The following TMEM74 variants were observed in gnomAD, a reference collection of about 807,000 sequenced individuals.
TMEM74 encodes transmembrane protein 74.
TMEM74 carries 13 observed loss-of-function variants against 18.1 expected under a neutral mutation model. The ratio of observed to expected loss-of-function variants is 0.72; its 90% CI spans 0.47 to 1.14. TMEM74 has a LOEUF of 1.14. Ranked by LOEUF, TMEM74 falls within the 50% of genes most tolerant of loss-of-function variation. TMEM74 has a pLI of 0.00. For synonymous variants in TMEM74, 159 were observed against 146.6 expected (o/e 1.08, Z -0.61); for missense variants, 372 against 375.9 (o/e 0.99, Z 0.09).
rs1180304125 is a variant in TMEM74, at chr8:108,782,887, C to T, written c.*1294G>A. ...TGCATTTCCCATCCCTTTTCTGAAC[C>T]GTCACCATAATGAGGCGGTCTGTCA... On this transcript the variant is annotated 3_prime_UTR_variant, in exon 2 of 2. Transcript: ENST00000297459. Among the ~76,000 whole-genome samples the T allele has an allele frequency of 6.6e-6, 1 of 152,138 alleles. No individual in the cohort carries two copies. Among genetic ancestry groups the T allele is most frequent in the East Asian group, 1.9e-4 (1 of 5,178 alleles).
At chr8:108,610,030 G>A (rs1313580916) in intron 2 of TMEM74, among the ~76,000 whole-genome samples, 4 of 152,176 alleles carry the variant, frequency 2.6e-5, no homozygotes, top group Non-Finnish European at 5.9e-5. Flanking sequence ...CCTTTAGTGT[G>A]CATTAAGTAC....
In TMEM74 at chr8:108,784,387, G is replaced by A; in HGVS notation, c.712C>T (p.Leu238Phe). Residue 238 changes from leucine to phenylalanine, a missense_variant, in exon 2 of 2, where the codon CTC (leucine) becomes TTC (phenylalanine). By Grantham distance (22) the Leu-to-Phe change is conservative (BLOSUM62 0). Coordinates refer to ENST00000297459, the MANE Select transcript of TMEM74 (RefSeq NM_153015.3). The stretch of plus-strand genomic sequence containing the variant: ...AGGATGACGCCCCCCAGCGTGAGGA[G>A]GCAGAGCCCCGCAATCACACAGCGG... ...LDRCVIAGLC[L>F]LTLGGVILSC... The A allele has an allele frequency of 6.2e-7, 1 of 1,614,112 alleles. No homozygotes were observed. Among genetic ancestry groups the A allele is most frequent in the Non-Finnish European group, 8.5e-7 (1 of 1,180,034 alleles).
At chr8:108,610,679 G>A (rs928658102) in intron 2 of TMEM74, among the ~76,000 whole-genome samples, 5 of 152,218 alleles carry the variant, frequency 3.3e-5, no homozygotes. Flanking sequence ...CAGTTGGAAA[G>A]GACTTGAAGT....
chr8:108,786,514 T>C (rs1463588428), intron 1 of TMEM74, among the ~76,000 whole-genome samples: 2 of 152,126 alleles, frequency 1.3e-5, no homozygotes, highest in African/African-American at 4.8e-5. Context: ...GGAGAGGGAA[T>C]TGACATGTTT....
intron 1 of TMEM74, among the ~76,000 whole-genome samples, chr8:108,692,696 A>G (rs1813242924): frequency 6.6e-6 from 1 of 152,034 alleles, no homozygotes; most frequent in Admixed American, 6.6e-5. Context: ...CCTGCAAAAA[A>G]CCCCCAACCA....
At chr8:108,725,334 T>G (rs16878740) in intron 1 of TMEM74, among the ~76,000 whole-genome samples, 10,295 of 152,220 alleles carry the variant, frequency 0.068, 989 homozygotes, top group African/African-American at 0.21. Flanking sequence ...TAATTCCTAA[T>G]AAGAGATGCC....
At chr8:108,732,948 C>T (rs759158236) in intron 1 of TMEM74, among the ~76,000 whole-genome samples, 2 of 151,962 alleles carry the variant, frequency 1.3e-5, no homozygotes, top group African/African-American at 4.8e-5. Flanking sequence ...CACTCAAGAT[C>T]ATCAATCCTC....
intron 2 of TMEM74, among the ~76,000 whole-genome samples, chr8:108,609,535 C>T (rs1812312774): frequency 6.6e-6 from 1 of 152,046 alleles, no homozygotes; most frequent in Admixed American, 6.6e-5. Flanking sequence ...GTAATCTCAG[C>T]TACTGGGGAG....
At chr8:108,632,951 C>T (rs771703033) in intron 2 of TMEM74, among the ~76,000 whole-genome samples, 6 of 151,838 alleles carry the variant, frequency 4.0e-5, no homozygotes, top group Non-Finnish European at 8.8e-5. Context: ...TTCAGAACAC[C>T]GTGGGCTCAG....
intron 1 of TMEM74, among the ~76,000 whole-genome samples, chr8:108,739,489 C>T (rs1385179668): frequency 1.3e-5 from 2 of 151,514 alleles, no homozygotes; most frequent in Non-Finnish European, 2.9e-5. Flanking sequence ...TTTATCGTTA[C>T]TCTCATCAGG....
intron 2 of TMEM74, among the ~76,000 whole-genome samples, chr8:108,629,939 T>C (rs1255076460): frequency 4.6e-5 from 7 of 151,952 alleles, no homozygotes; most frequent in Admixed American, 4.6e-4. Context: ...ATGTGCAAAA[T>C]AACCAGCGAG....
At chr8:108,607,843 A>G (rs531231791) in intron 3 of TMEM74, 1 of 152,216 alleles carries the variant, frequency 6.6e-6, no homozygotes, top group Non-Finnish European at 1.5e-5. Flanking sequence ...AATGCTTTGT[A>G]TGCTATGTGT....
chr8:108,784,854 G>A lies in TMEM74; in HGVS notation c.245C>T (p.Pro82Leu). 6.2e-7 allele frequency: 1 copy of A among 1,614,206 alleles called. No individual in the cohort carries two copies. ...QNSTLQPDAF[P>L]PGLLHSGNNQ... ...GTTCCCTGAGTGGAGAAGTCCTGGTGGAAAGGCATCTGGCTGAAGAGTACT... is the reference window on the plus strand; with the variant it reads ...GTTCCCTGAGTGGAGAAGTCCTGGTAGAAAGGCATCTGGCTGAAGAGTACT... Residue 82 changes from proline to leucine, a missense_variant, in exon 2 of 2, where the codon CCA becomes CTA. By Grantham distance (98) the Pro-to-Leu change is moderately conservative (BLOSUM62 -3). Transcript: ENST00000297459.
chr8:108,609,501 A>T (rs566636473), intron 2 of TMEM74, among the ~76,000 whole-genome samples: 1 of 152,262 alleles, frequency 6.6e-6, no homozygotes, highest in Non-Finnish European at 1.5e-5. Context: ...TATAAAAATT[A>T]GCTGGGCTTG....
At position 108,718,209 on chromosome 8, in the gene TMEM74, C is replaced by T. The variant is rs375108035; in HGVS notation, n.120-62772G>A. Among the ~76,000 whole-genome samples, 2 of 71,048 alleles carry T rather than the reference C, an allele frequency of 2.8e-5. 1 individual carries two copies. The highest frequency in any genetic ancestry group is 3.5e-4 in the African/African-American group (2 of 5,784). The allele number at this position is 71,048 out of a possible 152,430, so 46.6% of individuals were successfully genotyped here. A position where few individuals can be genotyped will look rare whatever the true frequency, so the allele number is the denominator to read the frequency against. The stretch of plus-strand genomic sequence containing the variant: ...TCCTGACCTCGTGATCCGCCCGCCT[C>T]GGCCTCCCAAAGTGCTGGGATTACA... On this transcript the variant is annotated intron_variant and non_coding_transcript_variant, in intron 1 of 3. Transcript: ENST00000518838.
At chr8:108,631,499 T>C (rs888076167) in intron 2 of TMEM74, among the ~76,000 whole-genome samples, 1 of 152,036 alleles carries the variant, frequency 6.6e-6, no homozygotes, top group Non-Finnish European at 1.5e-5. Context: ...ACTCAGCATA[T>C]TTAGGTAGAG....
intron 1 of TMEM74, among the ~76,000 whole-genome samples, chr8:108,679,848 C>T (rs1318177021): frequency 6.6e-6 from 1 of 152,106 alleles, no homozygotes; most frequent in Non-Finnish European, 1.5e-5. Flanking sequence ...ATGGTATTGC[C>T]TAGGTTTTCT....
At chr8:108,677,758 A>T (rs1223916417) in intron 1 of TMEM74, among the ~76,000 whole-genome samples, 1 of 152,070 alleles carries the variant, frequency 6.6e-6, no homozygotes, top group Non-Finnish European at 1.5e-5. Flanking sequence ...ACTGATCAGC[A>T]TATTACTTTT....
In TMEM74 at chr8:108,670,034, T is replaced by TAAAAAAAAAAAAAAAA. The variant is rs1563745188; in HGVS notation, n.120-14598_120-14597insTTTTTTTTTTTTTTTT. Among the ~76,000 whole-genome samples the TAAAAAAAAAAAAAAAA allele has an allele frequency of 1.8e-5, 2 of 113,942 alleles. 1 individual carries two copies. Among genetic ancestry groups the TAAAAAAAAAAAAAAAA allele is most frequent in the African/African-American group, 6.8e-5 (2 of 29,224 alleles). 74.8% of individuals were successfully genotyped at this position (113,942 alleles called of 152,430 possible). Reference sequence around the variant, plus strand: ...GCCTGGATGACAGAGTAAGATTCTGTGAAAAAAAAAAAAAAAAAAAAAAGG... The same window carrying TAAAAAAAAAAAAAAAA: ...GCCTGGATGACAGAGTAAGATTCTGTAAAAAAAAAAAAAAAAGAAAAAAAAAAAAAAAAAAAAAAGG... On this transcript the variant is annotated intron_variant and non_coding_transcript_variant, in intron 1 of 3. Coordinates refer to the TMEM74 transcript ENST00000518838.
Sources: allele counts gnomAD v4.1 joint callset (sites outside exome capture counted in the v4.1 genomes callset), GRCh38; gene constraint gnomAD v4.1.1; transcripts MANE v1.5; gene names NCBI Gene and HGNC (gene_info 2026-07-23, HGNC 2026-07-21).